MDN1: variants seen among roughly 807,000 people sequenced by gnomAD.
MDN1 encodes midasin.
Under a neutral mutation model 669.2 loss-of-function variants are expected in MDN1, and 266 were observed. The ratio of observed to expected loss-of-function variants is 0.40; its 90% CI spans 0.36 to 0.44. The LOEUF (loss-of-function observed/expected upper bound fraction) is 0.44, where lower values mean the gene tolerates loss of function less well. Ranked by LOEUF, MDN1 falls within the 20% of genes least tolerant of loss-of-function variation. The pLI is 1.00. For missense variants in MDN1, 5,940 were observed against 6,754.0 expected, an observed-to-expected ratio of 0.88 and a Z score of 4.22; for synonymous variants, 2,385 against 2,457.1, an observed-to-expected ratio of 0.97 and a Z score of 0.87.
intron 1 of MDN1, among the ~76,000 whole-genome samples, chr6:89,817,929 G>T (rs1006431738): frequency 2.0e-5 from 3 of 152,118 alleles, no homozygotes; most frequent in African/African-American, 7.2e-5. Flanking sequence ...CCCCCATAAT[G>T]AATAGTTGTG....
At chr6:89,801,731 C>CTG (rs1397630517) in intron 2 of MDN1, among the ~76,000 whole-genome samples, 1 of 150,668 alleles carries the variant, frequency 6.6e-6, no homozygotes, top group Non-Finnish European at 1.5e-5. Context: ...GAGGCAGAGG[C>CTG]TGCAATGAGC....
intron 1 of MDN1, 30 bp downstream of exon 1, chr6:89,819,476 C>G: frequency 6.3e-7 from 1 of 1,591,154 alleles, no homozygotes; most frequent in Non-Finnish European, 8.6e-7. Flanking sequence ...CCAGTCGTTC[C>G]GGCGCTTTCC....
In MDN1 at chr6:89,718,571, C is replaced by T. The variant is rs1209897844; in HGVS notation, c.6378G>A (p.Arg2126=). The change falls in exon 43 of 102, where the codon AGG becomes AGA. Residue 2126 remains arginine (R), a synonymous_variant. Coordinates refer to ENST00000369393, the MANE Select transcript of MDN1 (RefSeq NM_014611.3). ...TAAGGAGGCTATCCCTTAACAGTGC[C>T]CTTACAGTTCCCTCCACCTTCTCTA... The part of the protein sequence containing the change: ...RLLEKVEGTV[R]ALLRDSLLIS... 1 of 1,614,092 alleles carries T rather than the reference C, an allele frequency of 6.2e-7. No homozygotes were observed. Among genetic ancestry groups the T allele is most frequent in the East Asian group, 2.2e-5 (1 of 44,878 alleles).
At chr6:89,779,215 T>C (rs1231692754) in intron 11 of MDN1, among the ~76,000 whole-genome samples, 1 of 152,176 alleles carries the variant, frequency 6.6e-6, no homozygotes. Flanking sequence ...TCAAATTCAG[T>C]AGAAATATAT....
At chr6:89,750,979 T>TC (rs1816909534) in intron 23 of MDN1, among the ~76,000 whole-genome samples, 1 of 151,518 alleles carries the variant, frequency 6.6e-6, no homozygotes, top group African/African-American at 2.4e-5. Flanking sequence ...CATTTTTTTT[T>TC]CCTTTTTTTT....
At position 89,695,741 on chromosome 6, in the gene MDN1, C is replaced by T. The variant is rs748521354; in HGVS notation, c.9635G>A (p.Arg3212Lys). The T allele has an allele frequency of 6.2e-7, 1 of 1,613,780 alleles. No homozygotes were observed. The highest frequency in any genetic ancestry group is 8.5e-7 in the Non-Finnish European group (1 of 1,180,030). Residue 3212 changes from arginine to lysine, a missense_variant, in exon 61 of 102, where the codon AGG becomes AAG. Coordinates refer to ENST00000369393, the MANE Select transcript of MDN1 (RefSeq NM_014611.3). This position sits in a 1 kb window ranked among gnomAD's most constrained non-coding sequence, Gnocchi z 4.1. ...ACGCTGGGCTGGCTCAGGCAGGCTC[C>T]TCTTACTCTCCCCTTCACCAACAAA... ...HHFVGEGESK[R>K]SLPEPAQRGS...
chr6:89,654,674 T>C (rs186613721), intron 92 of MDN1, among the ~76,000 whole-genome samples: 48 of 152,278 alleles, frequency 3.2e-4, no homozygotes, highest in African/African-American at 1.1e-3. Flanking sequence ...AACTGGGCTA[T>C]AGGGTGACTC....
In MDN1 at chr6:89,738,314, G is replaced by A; in HGVS notation, c.4723+12C>T. 6.2e-7 allele frequency: 1 copy of A among 1,612,740 alleles called. No homozygotes were observed. Among genetic ancestry groups the A allele is most frequent in the South Asian group, 1.1e-5 (1 of 90,890 alleles). ...TGACCCAATACTACCATCACCACCT[G>A]CAAACTCTCACCTTTAGGATCTATT... On this transcript the variant is annotated intron_variant, in intron 33 of 101. Transcript: ENST00000369393.
chr6:89,704,598 C>CT (rs1209088671), intron 53 of MDN1, among the ~76,000 whole-genome samples: 1 of 152,092 alleles, frequency 6.6e-6, no homozygotes, highest in Non-Finnish European at 1.5e-5. Flanking sequence ...AATGAATTTT[C>CT]TTTTTTTAGA....
chr6:89,666,517 G>C (rs1810251186), intron 84 of MDN1, among the ~76,000 whole-genome samples: 1 of 151,996 alleles, frequency 6.6e-6, no homozygotes, highest in African/African-American at 2.4e-5. Context: ...TAATTTTATA[G>C]AGACAGTGTC....
chr6:89,770,485 G>A (rs1299024908), intron 15 of MDN1, among the ~76,000 whole-genome samples: 7 of 150,536 alleles, frequency 4.7e-5, no homozygotes, highest in Non-Finnish European at 7.4e-5. Flanking sequence ...ATATTAATAA[G>A]AACAGATTGC....
In MDN1 at chr6:89,658,597, CAT is replaced by C; in HGVS notation, c.15021+11_15021+12del. The C allele has an allele frequency of 6.3e-7, 1 of 1,595,898 alleles. No homozygotes were observed. Among genetic ancestry groups the C allele is most frequent in the Non-Finnish European group, 8.6e-7 (1 of 1,168,708 alleles). ...ATTATTTTTAACATAAAAAGCCAGA[CAT>C]CTCATGATACCTGGGGCTGGAAACC... On this transcript the variant is annotated intron_variant, in intron 89 of 101. Transcript: ENST00000369393.
intron 68 of MDN1, 60 bp from the exon 69 acceptor site, chr6:89,687,083 A>C: frequency 6.3e-7 from 1 of 1,591,124 alleles, no homozygotes; most frequent in Non-Finnish European, 8.5e-7. Flanking sequence ...ATCTGAAACC[A>C]AAGATGCAGA....
intron 88 of MDN1, among the ~76,000 whole-genome samples, chr6:89,660,187 A>T (rs1264897675): frequency 6.6e-6 from 1 of 152,002 alleles, no homozygotes; most frequent in African/African-American, 2.4e-5. Flanking sequence ...GCGCCTGGCT[A>T]ATTTTTTAAT....
chr6:89,649,958 G>A (rs1212768788), intron 97 of MDN1, 66 bp downstream of exon 97: 3 of 1,525,402 alleles, frequency 2.0e-6, no homozygotes, highest in Middle Eastern at 1.7e-4. Context: ...AAGCATTTTG[G>A]TGGCCCATGG....
chr6:89,692,334 A>G, intron 63 of MDN1, 109 bp downstream of exon 63: 1 of 964,044 alleles, frequency 1.0e-6, no homozygotes. Flanking sequence ...CCCACGCCCC[A>G]ACGACACTGT....
At chr6:89,698,328 T>C in intron 59 of MDN1, among the ~76,000 whole-genome samples, 1 of 152,262 alleles carries the variant, frequency 6.6e-6, no homozygotes, top group Admixed American at 6.5e-5. Flanking sequence ...CAATGTGGCA[T>C]GCTTATTATA....
chr6:89,775,487 A>G (rs1818307614), intron 12 of MDN1, among the ~76,000 whole-genome samples: 1 of 152,206 alleles, frequency 6.6e-6, no homozygotes, highest in South Asian at 2.1e-4. Context: ...TCACATGAGA[A>G]TGTCAGATAT....
chr6:89,806,562 C>CA (rs1276863973), intron 1 of MDN1, among the ~76,000 whole-genome samples: 1 of 151,902 alleles, frequency 6.6e-6, no homozygotes, highest in Non-Finnish European at 1.5e-5. Context: ...ACTAGAAATA[C>CA]AAAAAATTAG....
Sources: allele counts gnomAD v4.1 joint callset (sites outside exome capture counted in the v4.1 genomes callset), GRCh38; gene constraint gnomAD v4.1.1; non-coding constraint Gnocchi (gnomAD v3.1); transcripts MANE v1.5; gene names NCBI Gene and HGNC (gene_info 2026-07-23, HGNC 2026-07-21).